LYZL2: variants seen among roughly 807,000 people sequenced by gnomAD.
LYZL2 encodes the protein lysozyme like 2.
LYZL2 carries 13 observed loss-of-function variants against 17.1 expected under a neutral mutation model. That is an observed-to-expected ratio of 0.76 (90% CI 0.49 to 1.21). The LOEUF is 1.21. Ranked by LOEUF, LYZL2 falls within the 50% of genes most tolerant of loss-of-function variation. The pLI is 0.00. For missense variants in LYZL2, 166 were observed against 189.2 expected (o/e 0.88, Z 0.72); for synonymous variants, 63 against 74.4 (o/e 0.85, Z 0.79).
downstream of LYZL2, among the ~76,000 whole-genome samples, chr10:30,608,023 G>T (rs1397287858): frequency 1.3e-5 from 2 of 152,148 alleles, no homozygotes; most frequent in African/African-American, 4.8e-5. Context: ...GCTCACTGCA[G>T]CCTCAGCCTC....
intron 3 of LYZL2, among the ~76,000 whole-genome samples, chr10:30,624,370 C>T (rs997372692): frequency 2.1e-4 from 32 of 152,154 alleles, no homozygotes; most frequent in African/African-American, 7.7e-4. Context: ...AAGTCATGTC[C>T]CTTGAGGGAA....
chr10:30,610,212 T>A (rs751785990), downstream of LYZL2, among the ~76,000 whole-genome samples: 8 of 152,028 alleles, frequency 5.3e-5, no homozygotes, highest in Non-Finnish European at 1.2e-4. Context: ...CTGGGCTGGG[T>A]TTGAAAAGCT....
intron 3 of LYZL2, among the ~76,000 whole-genome samples, chr10:30,624,986 C>G (rs201689028): frequency 1.3e-5 from 2 of 152,104 alleles, no homozygotes; most frequent in East Asian, 3.9e-4. Flanking sequence ...TGAGTGGTCC[C>G]TAGAAGCCTG....
Position 30,627,494 on chromosome 10 carries a change from A to G in LYZL2, c.-25-554T>C, listed in dbSNP as rs368271916. The stretch of plus-strand genomic sequence containing the variant: ...CCACTTAACAAATAGTAAATATAAT[A>G]TAATAGTAAATATTTACTATTAACA... On this transcript the variant is annotated intron_variant, in intron 1 of 4. Transcript: ENST00000647634. Among the ~76,000 whole-genome samples the G allele has an allele frequency of 2.8e-4, 43 of 152,046 alleles. No homozygotes were observed. In the South Asian group the frequency reaches 8.7e-3, roughly 31 times the overall value.
At chr10:30,627,738 T>C (rs1181737795) in intron 1 of LYZL2, among the ~76,000 whole-genome samples, 3 of 152,136 alleles carry the variant, frequency 2.0e-5, no homozygotes, top group African/African-American at 7.2e-5. Context: ...TACATGCAGA[T>C]TTTCAACTGA....
intron 3 of LYZL2, among the ~76,000 whole-genome samples, chr10:30,621,578 G>A (rs914126890): frequency 1.3e-5 from 2 of 152,078 alleles, no homozygotes; most frequent in African/African-American, 4.8e-5. Flanking sequence ...GACAGAGCAC[G>A]ACCCTGTCTC....
chr10:30,617,403 C>T (rs183218282), intron 3 of LYZL2, among the ~76,000 whole-genome samples: 9 of 152,054 alleles, frequency 5.9e-5, no homozygotes, highest in African/African-American at 1.7e-4. Context: ...CGACCGGGCG[C>T]GGCGGCTCAC....
In LYZL2 at chr10:30,626,269, G is replaced by C. The variant is rs774049395; in HGVS notation, c.140-6C>G. 4.8e-5 allele frequency: 77 copies of C among 1,612,748 alleles called. 1 individual carries two copies. Among genetic ancestry groups the C allele is most frequent in the Admixed American group, 1.0e-4 (6 of 59,762 alleles). On this transcript the variant is annotated splice_polypyrimidine_tract_variant and splice_region_variant and intron_variant, in intron 2 of 4. Transcript: ENST00000647634. ...ATAATACGCCATGCAGATCCCTGGA[G>C]GGGGGAAAGCCAGAAACGCCAGCAA...
intron 1 of LYZL2, among the ~76,000 whole-genome samples, chr10:30,627,878 G>A (rs1588679931): frequency 2.0e-5 from 3 of 152,238 alleles, no homozygotes; most frequent in South Asian, 4.1e-4. Context: ...TCATCGTCTA[G>A]GCCAGGCGCG....
downstream of LYZL2, among the ~76,000 whole-genome samples, chr10:30,607,791 T>G (rs532185571): frequency 5.3e-5 from 8 of 152,262 alleles, no homozygotes; most frequent in Non-Finnish European, 7.4e-5. Context: ...ATTTCCACCC[T>G]TAGACATCAT....
At chr10:30,609,623 C>T (rs1248045162), downstream of LYZL2, among the ~76,000 whole-genome samples, 2 of 152,210 alleles carry the variant, frequency 1.3e-5, no homozygotes, top group Non-Finnish European at 2.9e-5. Flanking sequence ...AAGCCAGTCA[C>T]TATCCCCTAA....
At chr10:30,617,442 G>A (rs1488848800) in intron 3 of LYZL2, among the ~76,000 whole-genome samples, 1 of 152,088 alleles carries the variant, frequency 6.6e-6, no homozygotes, top group African/African-American at 2.4e-5. Context: ...TCAGGAGGCT[G>A]AGGCAGGCAG....
chr10:30,618,227 T>C (rs1446779201), intron 3 of LYZL2, among the ~76,000 whole-genome samples: 1 of 152,152 alleles, frequency 6.6e-6, no homozygotes, highest in Non-Finnish European at 1.5e-5. Flanking sequence ...GAAGAATCAA[T>C]ATCGTGAAAA....
intron 3 of LYZL2, 75 bp downstream of exon 3, chr10:30,626,030 A>G: frequency 6.4e-7 from 1 of 1,553,030 alleles, no homozygotes; most frequent in Non-Finnish European, 8.7e-7. Flanking sequence ...TTAAAGCAAG[A>G]CATGGTTGGT....
downstream of LYZL2, among the ~76,000 whole-genome samples, chr10:30,607,411 G>A (rs647559): frequency 0.49 from 74,760 of 151,426 alleles, 19,185 homozygotes; most frequent in Middle Eastern, 0.58. Context: ...GTAAGGAAAC[G>A]GATTCTTTAC....
At chr10:30,610,086 A>G (rs1044873334), downstream of LYZL2, among the ~76,000 whole-genome samples, 7 of 151,662 alleles carry the variant, frequency 4.6e-5, no homozygotes, top group African/African-American at 1.5e-4. Context: ...TTAGGCCACA[A>G]ATAAAATACA....
intron 3 of LYZL2, among the ~76,000 whole-genome samples, chr10:30,615,226 C>T (rs75356628): frequency 0.013 from 2,013 of 152,326 alleles, 20 homozygotes; most frequent in Non-Finnish European, 0.021. Flanking sequence ...GAAATGCTGA[C>T]ATTTGCAACA....
At chr10:30,620,233 G>A (rs887809384) in intron 3 of LYZL2, among the ~76,000 whole-genome samples, 12 of 152,222 alleles carry the variant, frequency 7.9e-5, no homozygotes. Context: ...AATGAGACAT[G>A]AGATGTATGG....
At chr10:30,622,745 G>A (rs1838645133) in intron 3 of LYZL2, among the ~76,000 whole-genome samples, 1 of 152,058 alleles carries the variant, frequency 6.6e-6, no homozygotes, top group South Asian at 2.1e-4. Flanking sequence ...TCATGGTTGG[G>A]TAGTTGCAAT....
Sources: gnomAD v4.1 joint callset for allele counts (sites outside exome capture counted in the v4.1 genomes callset) on GRCh38, gnomAD v4.1.1 for gene constraint, MANE v1.5 for transcripts, NCBI Gene and HGNC (gene_info 2026-07-23, HGNC 2026-07-21) for gene names.